Variants in TSPAN4 observed in about 807,000 individuals in gnomAD.
TSPAN4 encodes tetraspanin 4.
Under a neutral mutation model 31.5 loss-of-function variants are expected in TSPAN4, and 38 were observed. The ratio of observed to expected loss-of-function variants is 1.21; its 90% CI spans 0.93 to 1.58. TSPAN4 has a LOEUF of 1.58. Among genes scored for constraint, TSPAN4 ranks in the 40% most tolerant of loss-of-function variants. The pLI is 0.00. For synonymous variants in TSPAN4, 186 were observed against 144.6 expected, an observed-to-expected ratio of 1.29 and a Z score of -2.06; for missense variants, 330 against 317.3, an observed-to-expected ratio of 1.04 and a Z score of -0.30.
Position 864,561 on chromosome 11 carries a change from C to G in TSPAN4, c.330+50C>G, listed in dbSNP as rs149558423. 779 of 1,602,280 alleles carry G rather than the reference C, an allele frequency of 4.9e-4. 3 individuals carry two copies. The African/African-American group carries it at 9.7e-3, about 20-fold the overall frequency. On this transcript the variant is annotated intron_variant, in intron 5 of 8. Transcript: ENST00000397397. ...CAACTGCAGGGCTGGGGGCTCCATCCTCACTCCCAGGGAGCACTGTGGGCC... is the reference window on the plus strand; with the variant it reads ...CAACTGCAGGGCTGGGGGCTCCATCGTCACTCCCAGGGAGCACTGTGGGCC...
At position 848,426 on chromosome 11, in the gene TSPAN4, C is replaced by A. The variant is rs1161391623; in HGVS notation, c.-18+1126C>A. ...CCCCTTCCCCCAGCGAGGACCTGGG[C>A]ATGGGGTGCTGCCCTGGGGCTTGGG... On this transcript the variant is annotated intron_variant, in intron 2 of 8. Transcript: ENST00000397397. The surrounding 1 kb of genome is among the most constrained non-coding windows in gnomAD (Gnocchi z 5.7). Among the ~76,000 whole-genome samples the A allele has an allele frequency of 6.6e-6, 1 of 152,032 alleles. No homozygotes were observed. The highest frequency in any genetic ancestry group is 6.5e-5 in the Admixed American group (1 of 15,288).
At chr11:860,119 G>A (rs1848369917) in intron 3 of TSPAN4, among the ~76,000 whole-genome samples, 1 of 152,234 alleles carries the variant, frequency 6.6e-6, no homozygotes, top group African/African-American at 2.4e-5. Context: ...ACAGCGTTCT[G>A]TTTTGAACTT....
chr11:855,193 C>T (rs1847978948), intron 3 of TSPAN4, among the ~76,000 whole-genome samples: 1 of 152,190 alleles, frequency 6.6e-6, no homozygotes, highest in Non-Finnish European at 1.5e-5. Flanking sequence ...GGCCGGGCCT[C>T]TGTGTGGAGA....
At chr11:843,818 G>A (rs1847126174) in intron 1 of TSPAN4, 1 of 152,864 alleles carries the variant, frequency 6.5e-6, no homozygotes, top group African/African-American at 2.4e-5. Flanking sequence ...GCTGGGGTGG[G>A]ACCTGTGTTG....
chr11:866,448 C>T, intron 8 of TSPAN4, 114 bp from the exon 9 acceptor site: 1 of 959,846 alleles, frequency 1.0e-6, no homozygotes, highest in Non-Finnish European at 1.5e-6. Flanking sequence ...CACTGTGTCG[C>T]CCACCCTGGG....
chr11:859,484 GGCTCACACGCA>G (rs1848320441), intron 3 of TSPAN4: 1 of 58,260 alleles, frequency 1.7e-5, no homozygotes, highest in Non-Finnish European at 3.4e-5. Context: ...ACGCACCCCG[GGCTCACACGCA>G]CCCCGGGCTC....
intron 3 of TSPAN4, among the ~76,000 whole-genome samples, chr11:853,970 G>A (rs1167004335): frequency 6.6e-6 from 1 of 152,196 alleles, no homozygotes; most frequent in Admixed American, 6.5e-5. Context: ...GGTTAGCAAT[G>A]GTGAGGGCGT....
rs1304180503 is a variant in TSPAN4 at position 862,581 on chromosome 11, T to A, written c.95T>A (p.Ile32Asn). 6.2e-7 allele frequency: 1 copy of A among 1,611,480 alleles called. No individual in the cohort carries two copies. Among genetic ancestry groups the A allele is most frequent in the Admixed American group, 1.7e-5 (1 of 59,906 alleles). Residue 32 changes from isoleucine (I) to asparagine (N), a missense_variant, in exon 4 of 9, where the codon ATC becomes AAC. Ile to Asn is a moderately radical substitution (Grantham distance 149). Coordinates refer to ENST00000397397, the MANE Select transcript of TSPAN4 (RefSeq NM_003271.5). ...LGGCGVLGVG[I>N]WLAATQGSFA... ...GGCTGTGGCGTGCTGGGTGTCGGCA[T>A]CTGGCTGGCCGCCACACAGGGGAGC... is the stretch of plus-strand genomic sequence containing the variant.
intron 4 of TSPAN4, 139 bp from the exon 5 acceptor site, chr11:864,296 GCT>G (rs1229453516): frequency 3.0e-6 from 3 of 1,015,488 alleles, no homozygotes; most frequent in African/African-American, 3.2e-5. Flanking sequence ...GGCGTTCTGG[GCT>G]CTCTGGGAGT....
At chr11:858,542 C>A in intron 3 of TSPAN4, 1 of 172,348 alleles carries the variant, frequency 5.8e-6, no homozygotes. Context: ...ACACTCACCC[C>A]GGTTCCCATG....
At chr11:863,492 G>A (rs1848591685) in intron 4 of TSPAN4, 1 of 152,294 alleles carries the variant, frequency 6.6e-6, no homozygotes, top group African/African-American at 2.4e-5. Context: ...CAAGCCCCAA[G>A]TCTATCAGCC....
chr11:864,279 T>TG, intron 4 of TSPAN4, 158 bp from the exon 5 acceptor site: 1 of 792,916 alleles, frequency 1.3e-6, no homozygotes, highest in East Asian at 2.6e-5. Context: ...GGTTCTGAGG[T>TG]GGGGGCGGCG....
intron 2 of TSPAN4, among the ~76,000 whole-genome samples, chr11:849,506 G>T (rs1203657095): frequency 6.6e-6 from 1 of 152,118 alleles, no homozygotes; most frequent in African/African-American, 2.4e-5. Context: ...GAGGTACCGT[G>T]GGGGGAAGGG....
At chr11:855,504 G>A (rs1847996669) in intron 3 of TSPAN4, among the ~76,000 whole-genome samples, 1 of 152,206 alleles carries the variant, frequency 6.6e-6, no homozygotes, top group African/African-American at 2.4e-5. Context: ...CTGGGCAGGT[G>A]CCCACTGACG....
chr11:862,626 C>G lies in TSPAN4; in HGVS notation c.140C>G (p.Ser47Cys). 6.2e-7 allele frequency: 1 copy of G among 1,613,338 alleles called. No homozygotes were observed. The stretch of plus-strand genomic sequence containing the variant: ...GGGAGCTTCGCCACGCTGTCCTCTT[C>G]CTTCCCGTCCCTGTCGGCTGCCAAC... ...TQGSFATLSS[S>C]FPSLSAANLL... The change falls in exon 4 of 9, where the codon TCC becomes TGC. Residue 47 changes from serine to cysteine, a missense_variant. Ser to Cys is a moderately radical substitution (Grantham distance 112, BLOSUM62 -1). Coordinates refer to ENST00000397397, the MANE Select transcript of TSPAN4 (RefSeq NM_003271.5).
intron 3 of TSPAN4, among the ~76,000 whole-genome samples, chr11:852,790 GCCT>G (rs961009313): frequency 4.0e-5 from 6 of 151,208 alleles, no homozygotes; most frequent in South Asian, 2.1e-4. Context: ...ATACAACCTG[GCCT>G]CCTCCTCCTC....
At chr11:857,974 C>T (rs1448505322) in intron 3 of TSPAN4, 1 of 152,348 alleles carries the variant, frequency 6.6e-6, no homozygotes, top group Admixed American at 6.5e-5. Context: ...GGTGTCAGGC[C>T]GTTTGTGGGT....
chr11:845,315 C>G (rs1847251061), intron 1 of TSPAN4, among the ~76,000 whole-genome samples: 1 of 152,212 alleles, frequency 6.6e-6, no homozygotes, highest in African/African-American at 2.4e-5. Flanking sequence ...GCCCACCGTA[C>G]CCACGCCGTC....
At chr11:851,290 G>T (rs1284331824) in intron 3 of TSPAN4, among the ~76,000 whole-genome samples, 1 of 152,218 alleles carries the variant, frequency 6.6e-6, no homozygotes, top group Non-Finnish European at 1.5e-5. Context: ...TGGGGGAGGT[G>T]AAGTGATACC....
Sources: allele counts gnomAD v4.1 joint callset (sites outside exome capture counted in the v4.1 genomes callset), GRCh38; gene constraint gnomAD v4.1.1; non-coding constraint Gnocchi (gnomAD v3.1); transcripts MANE v1.5; gene names NCBI Gene and HGNC (gene_info 2026-07-23, HGNC 2026-07-21).